Variants in MARCO observed in about 807,000 individuals in gnomAD.
The protein encoded by MARCO is macrophage receptor with collagenous structure.
MARCO carries 72 observed loss-of-function variants against 70.0 expected under a neutral mutation model. That is an observed-to-expected ratio of 1.03 (90% CI 0.85 to 1.25). The LOEUF is 1.25. Ranked by LOEUF, MARCO falls within the 50% of genes most tolerant of loss-of-function variation. The pLI is 0.00. For missense variants in MARCO, 696 were observed against 659.3 expected (o/e 1.06, Z -0.61); for synonymous variants, 273 against 243.1 (o/e 1.12, Z -1.14).
intron 12 of MARCO, among the ~76,000 whole-genome samples, chr2:118,984,000 T>G (rs1680441254): frequency 6.6e-6 from 1 of 152,212 alleles, no homozygotes; most frequent in South Asian, 2.1e-4. Flanking sequence ...CTCCTGCTAA[T>G]GAGCATCTTC....
Position 118,994,528 on chromosome 2 carries a change from A to G in MARCO, c.*8A>G, listed in dbSNP as rs942409469. ...GTGGAGTGCAGCGTCTGACCCGGAA[A>G]CCCTTTCACTTCTCTGCTCCCGAGG... On this transcript the variant is annotated 3_prime_UTR_variant, in exon 17 of 17. Coordinates refer to ENST00000327097, the MANE Select transcript of MARCO (RefSeq NM_006770.4). 5 of 1,569,810 alleles carry G rather than the reference A, an allele frequency of 3.2e-6. No individual in the cohort carries two copies. In the African/African-American group the frequency reaches 6.8e-5, roughly 21 times the overall value.
intron 13 of MARCO, 58 bp from the exon 14 acceptor site, chr2:118,991,719 G>C: frequency 1.0e-6 from 1 of 985,580 alleles, no homozygotes; most frequent in South Asian, 1.6e-5. Context: ...AATGCCCTTG[G>C]GTCTCTCTTG....
chr2:118,978,105 G>A (rs1318430568), intron 8 of MARCO, among the ~76,000 whole-genome samples, 170 bp downstream of exon 8: 1 of 152,204 alleles, frequency 6.6e-6, no homozygotes, highest in Non-Finnish European at 1.5e-5. Flanking sequence ...TGAGCAAAGA[G>A]ATGCAATATG....
intron 6 of MARCO, 110 bp downstream of exon 6, chr2:118,974,675 G>A: frequency 9.5e-7 from 1 of 1,051,560 alleles, no homozygotes. Flanking sequence ...TGAGGGGTCT[G>A]TAGGTGAACG....
intron 6 of MARCO, among the ~76,000 whole-genome samples, 151 bp from the exon 7 acceptor site, chr2:118,977,318 AAG>A (rs60485337): frequency 1.0e-3 from 153 of 146,398 alleles, no homozygotes; most frequent in African/African-American, 3.0e-3. Context: ...GTGTGTGAAA[AAG>A]AGAGAGAGAG....
rs755432243 is a variant in MARCO, at chr2:118,994,567, A to G, written c.*47A>G. The G allele has an allele frequency of 6.6e-7, 1 of 1,520,700 alleles. No homozygotes were observed. The highest frequency in any genetic ancestry group is 8.8e-7 in the Non-Finnish European group (1 of 1,136,736). The allele number at this position is 1,520,700 out of a possible 1,614,324, so 94.2% of individuals were successfully genotyped here. ...CTGCTCCCGAGGTGTCCTCGGGCTC[A>G]TATGTGGGAAGGCAGAGGATCTCTG... On this transcript the variant is annotated 3_prime_UTR_variant, in exon 17 of 17. Coordinates refer to ENST00000327097, the MANE Select transcript of MARCO (RefSeq NM_006770.4).
intron 6 of MARCO, among the ~76,000 whole-genome samples, chr2:118,974,789 A>G (rs1680247818): frequency 6.6e-6 from 1 of 151,986 alleles, no homozygotes; most frequent in South Asian, 2.1e-4. Flanking sequence ...GTATGGCTAG[A>G]TGGCCTTCAT....
chr2:118,974,367 TG>T lies in MARCO; in HGVS notation c.497del (p.Gly166ValfsTer98). On this transcript the variant is annotated frameshift_variant, in exon 5 of 17. Transcript: ENST00000327097. LOFTEE classifies it high-confidence loss of function. Reference sequence around the variant, plus strand: ...GTCACAAGGGGGCCATGGGCATGCCTGGTGCCCCTGGCCCGCCGGGACCACC... The same window carrying T: ...GTCACAAGGGGGCCATGGGCATGCCTGTGCCCCTGGCCCGCCGGGACCACC... ...QGHKGAMGMP[G>X]APGPPGPPAE... The T allele has an allele frequency of 6.2e-7, 1 of 1,607,414 alleles. No individual in the cohort carries two copies. The highest frequency in any genetic ancestry group is 8.5e-7 in the Non-Finnish European group (1 of 1,177,250).
At chr2:118,950,912 C>T (rs903152671) in intron 1 of MARCO, among the ~76,000 whole-genome samples, 1 of 152,102 alleles carries the variant, frequency 6.6e-6, no homozygotes, top group East Asian at 1.9e-4. Context: ...ATACATATGA[C>T]ACTGTTAATA....
intron 2 of MARCO, 46 bp from the exon 3 acceptor site, chr2:118,970,068 C>G: frequency 6.7e-7 from 1 of 1,493,382 alleles, no homozygotes; most frequent in Non-Finnish European, 9.3e-7. Flanking sequence ...CAGGGATATG[C>G]TCAAATGCCT....
chr2:118,956,810 G>C (rs1349498869), intron 1 of MARCO, among the ~76,000 whole-genome samples: 7 of 152,014 alleles, frequency 4.6e-5, no homozygotes, highest in African/African-American at 1.4e-4. Context: ...GACCACAGTG[G>C]AATAAAACTG....
chr2:118,962,670 T>C (rs977496162), intron 1 of MARCO, among the ~76,000 whole-genome samples: 3 of 152,150 alleles, frequency 2.0e-5, no homozygotes, highest in Non-Finnish European at 4.4e-5. Context: ...CTGTAAGAGA[T>C]TGTGTAAAAC....
At chr2:118,954,215 G>A (rs1317903668) in intron 1 of MARCO, among the ~76,000 whole-genome samples, 1 of 152,142 alleles carries the variant, frequency 6.6e-6, no homozygotes, top group East Asian at 1.9e-4. Context: ...AACACACTTG[G>A]GGCTGTTGCT....
intron 1 of MARCO, among the ~76,000 whole-genome samples, chr2:118,967,237 C>T (rs1680069296): frequency 6.6e-6 from 1 of 152,198 alleles, no homozygotes; most frequent in African/African-American, 2.4e-5. Context: ...ACGGGCTCTA[C>T]TGAACTTCCG....
chr2:118,993,316 G>C lies in MARCO; in HGVS notation c.1429+16G>C. 1.2e-6 allele frequency: 2 copies of C among 1,613,258 alleles called. No individual in the cohort carries two copies. Among genetic ancestry groups the C allele is most frequent in the South Asian group, 1.1e-5 (1 of 91,010 alleles). On this transcript the variant is annotated intron_variant, in intron 16 of 16. Transcript: ENST00000327097. ...GTGGGAGCTGGTAAGTGAGTCATCA[G>C]CCGGGGGCCTCTTCCCCAGAGGTGT...
intron 13 of MARCO, 67 bp downstream of exon 13, chr2:118,990,700 A>AGGTCTT: frequency 1.3e-6 from 2 of 1,507,222 alleles, no homozygotes; most frequent in Admixed American, 1.7e-5. Context: ...CTCAGAGGGC[A>AGGTCTT]GGTCTTGTTG....
In MARCO at chr2:118,970,278, T is replaced by C. The variant is rs760316668; in HGVS notation, c.364T>C (p.Trp122Arg). 12 of 1,613,920 alleles carry C rather than the reference T, an allele frequency of 7.4e-6. No individual in the cohort carries two copies. Among genetic ancestry groups the C allele is most frequent in the African/African-American group, 1.3e-5 (1 of 74,894 alleles). The stretch of plus-strand genomic sequence containing the variant: ...GCAAGTCCTGCAGGCCCAACTCACC[T>C]GGGTCCGCGTCAGCCATGAGCACTT... ...RLQVLQAQLT[W>R]VRVSHEHLLQ... The change falls in exon 3 of 17, where the codon TGG (tryptophan) becomes CGG (arginine). Residue 122 changes from tryptophan to arginine, a missense_variant. Trp to Arg is a moderately radical substitution (Grantham distance 101). Transcript: ENST00000327097.
intron 12 of MARCO, among the ~76,000 whole-genome samples, chr2:118,986,803 GGAAA>G (rs1187051313): frequency 5.3e-5 from 8 of 151,902 alleles, no homozygotes; most frequent in East Asian, 1.9e-4. Flanking sequence ...GAAAAGAAAG[GGAAA>G]GAAAGAAAGT....
intron 2 of MARCO, 65 bp downstream of exon 2, chr2:118,969,326 C>T: frequency 6.3e-6 from 8 of 1,271,200 alleles, no homozygotes; most frequent in Non-Finnish European, 9.2e-6. Context: ...CTGGGCCCCT[C>T]AGATGAAGGG....
Sources: gnomAD v4.1 joint callset for allele counts (sites outside exome capture counted in the v4.1 genomes callset) on GRCh38, gnomAD v4.1.1 for gene constraint, MANE v1.5 for transcripts, NCBI Gene and HGNC (gene_info 2026-07-23, HGNC 2026-07-21) for gene names.